KIAA1549: variants seen among roughly 807,000 people sequenced by gnomAD.
The protein encoded by KIAA1549 is UPF0606 protein KIAA1549.
A neutral mutation model predicts 156.4 loss-of-function variants in KIAA1549; 70 were observed. That is an observed-to-expected ratio of 0.45 (90% CI 0.37 to 0.55). The LOEUF is 0.55. Among genes scored for constraint, KIAA1549 ranks in the 20% least tolerant of loss-of-function variants. The pLI is 0.00. For synonymous variants in KIAA1549, 1,103 were observed against 1,066.4 expected (o/e 1.03, Z -0.67); for missense variants, 2,428 against 2,540.9 (o/e 0.96, Z 0.96).
At chr7:138,965,445 C>A (rs1306685485) in intron 1 of KIAA1549, among the ~76,000 whole-genome samples, 4 of 152,208 alleles carry the variant, frequency 2.6e-5, no homozygotes, top group Non-Finnish European at 5.9e-5. Flanking sequence ...CCCACCTCAG[C>A]CTTCCACAGC....
At chr7:138,877,011 A>C (rs1811103936) in intron 12 of KIAA1549, among the ~76,000 whole-genome samples, 1 of 152,204 alleles carries the variant, frequency 6.6e-6, no homozygotes, top group Admixed American at 6.5e-5. Context: ...GACAGTCGTC[A>C]ACAGCCTTGC....
intron 1 of KIAA1549, among the ~76,000 whole-genome samples, chr7:138,979,655 T>C (rs975723707): frequency 4.6e-5 from 7 of 152,200 alleles, no homozygotes; most frequent in Admixed American, 4.6e-4. Flanking sequence ...CCCTTGACAA[T>C]GATCTCTTCT....
chr7:138,936,876 C>A (rs948875403), intron 1 of KIAA1549, among the ~76,000 whole-genome samples: 1 of 152,042 alleles, frequency 6.6e-6, no homozygotes, highest in African/African-American at 2.4e-5. Flanking sequence ...TCTCTCTCTA[C>A]GAGCCATAAC....
rs1441296823 is a variant in KIAA1549 at position 138,981,318 on chromosome 7, C to G, written c.-49G>C. On this transcript the variant is annotated 5_prime_UTR_variant, in exon 1 of 20. Transcript: ENST00000422774. The surrounding 1 kb of genome is among the most constrained non-coding windows in gnomAD (Gnocchi z 4.5). ...CCTCGCGGCTCAGCGGCTCTCGGGT[C>G]CGGGAGGGGCGGCCGCTGCGGCTGC... 2 of 802,594 alleles carry G rather than the reference C, an allele frequency of 2.5e-6. No homozygotes were observed. The highest frequency in any genetic ancestry group is 3.0e-6 in the Non-Finnish European group (2 of 666,184). The allele number at this position is 802,594 out of a possible 1,614,324, so 49.7% of individuals were successfully genotyped here. A position where few individuals can be genotyped will look rare whatever the true frequency, so the allele number is the denominator to read the frequency against.
chr7:138,917,734 G>T lies in KIAA1549; in HGVS notation c.1892C>A (p.Pro631Gln). The T allele has an allele frequency of 6.3e-7, 1 of 1,589,804 alleles. No individual in the cohort carries two copies. The highest frequency in any genetic ancestry group is 8.6e-7 in the Non-Finnish European group (1 of 1,167,924). Residue 631 changes from proline (P) to glutamine (Q), a missense_variant, in exon 2 of 20, where the codon CCG becomes CAG. Around this residue, in one of 5 missense-constraint regions of KIAA1549, gnomAD observed 893 missense variants for 847.9 expected, o/e 1.05. Transcript: ENST00000422774. Reference protein sequence around the residue: ...DFASSFFSTPPLELSGSISSP... With the variant: ...DFASSFFSTPQLELSGSISSP... ...AGAGATGGAGCCGCTGAGTTCCAGC[G>T]GGGGTGTTGAGAAAAAGCTGGATGC...
chr7:138,871,963 A>G (rs1209875799), intron 12 of KIAA1549, among the ~76,000 whole-genome samples: 1 of 152,220 alleles, frequency 6.6e-6, no homozygotes, highest in Non-Finnish European at 1.5e-5. Flanking sequence ...GCAGGGAATT[A>G]GTTCCTACTT....
intron 4 of KIAA1549, among the ~76,000 whole-genome samples, chr7:138,909,902 G>A (rs538962473): frequency 1.3e-5 from 2 of 152,064 alleles, no homozygotes; most frequent in East Asian, 1.9e-4. Flanking sequence ...AGCAGAGATC[G>A]CGCCATTGCA....
chr7:138,887,307 A>T (rs1811421237), intron 10 of KIAA1549, among the ~76,000 whole-genome samples: 1 of 152,206 alleles, frequency 6.6e-6, no homozygotes, highest in Admixed American at 6.5e-5. Context: ...AAATAAATTC[A>T]TCATTAGATG....
At position 138,976,395 on chromosome 7, in the gene KIAA1549, G is replaced by A. The variant is rs368657665; in HGVS notation, c.187+4688C>T. On this transcript the variant is annotated intron_variant, in intron 1 of 19. Coordinates refer to ENST00000422774, the MANE Select transcript of KIAA1549 (RefSeq NM_001164665.2). The stretch of plus-strand genomic sequence containing the variant: ...CGATTTTAAATTAGCTGTTCTAACA[G>A]TGAAAAGACAACTGCAAGATACCAA... Among the ~76,000 whole-genome samples the A allele has an allele frequency of 5.5e-5, 6 of 110,062 alleles. No individual in the cohort carries two copies. In the East Asian group the frequency reaches 1.6e-3, roughly 30 times the overall value. 72.2% of individuals were successfully genotyped at this position (110,062 alleles called of 152,430 possible). A position where few individuals can be genotyped will look rare whatever the true frequency, so the allele number is the denominator to read the frequency against.
chr7:138,898,935 A>G lies in KIAA1549; in HGVS notation c.3847+20T>C, dbSNP rs1811764544. On this transcript the variant is annotated intron_variant, in intron 9 of 19. Transcript: ENST00000422774. The stretch of plus-strand genomic sequence containing the variant: ...TGCCCAGCACAGCACAGCACAGACG[A>G]CAACACCTCAGGCACTTACGCTGGG... 2.5e-6 allele frequency: 4 copies of G among 1,613,208 alleles called. No individual in the cohort carries two copies. The East Asian group carries it at 8.9e-5, about 36-fold the overall frequency.
At position 138,861,294 on chromosome 7, in the gene KIAA1549, C is replaced by G; in HGVS notation, c.5092G>C (p.Val1698Leu). The G allele has an allele frequency of 6.2e-7, 1 of 1,608,138 alleles. No homozygotes were observed. The highest frequency in any genetic ancestry group is 1.1e-5 in the South Asian group (1 of 90,394). ...CTGGCAGGCTGGCTGCTGGGGGCCA[C>G]GAGGGCAAAGGCGTCGTCCAGGAGG... is the stretch of plus-strand genomic sequence containing the variant. ...HSLLDDAFALVAPSSQPASTA... is the reference protein window; with the variant it reads ...HSLLDDAFALLAPSSQPASTA... Residue 1698 changes from valine (V) to leucine (L), a missense_variant, in exon 16 of 20, where the codon GTG (valine) becomes CTG (leucine). Physicochemically the swap from Val to Leu is conservative, Grantham distance 32 (BLOSUM62 1). Transcript: ENST00000422774.
At chr7:138,959,299 G>A (rs1291217480) in intron 1 of KIAA1549, among the ~76,000 whole-genome samples, 3 of 152,024 alleles carry the variant, frequency 2.0e-5, no homozygotes, top group Admixed American at 6.6e-5. Context: ...CACAAATCAC[G>A]ACCATACACA....
At chr7:138,907,560 G>A (rs181549618) in intron 5 of KIAA1549, among the ~76,000 whole-genome samples, 1 of 152,338 alleles carries the variant, frequency 6.6e-6, no homozygotes, top group Admixed American at 6.5e-5. Flanking sequence ...ACCAGGAGGG[G>A]CTCTGTGGCA....
chr7:138,904,070 C>T (rs1811939598), intron 7 of KIAA1549, among the ~76,000 whole-genome samples: 1 of 152,114 alleles, frequency 6.6e-6, no homozygotes, highest in Admixed American at 6.5e-5. Context: ...GCGCAAAGGG[C>T]GCCTACGCAA....
At chr7:138,851,085 T>C (rs1810219165) in intron 17 of KIAA1549, among the ~76,000 whole-genome samples, 1 of 152,196 alleles carries the variant, frequency 6.6e-6, no homozygotes, top group South Asian at 2.1e-4. Context: ...TTTTTTGATG[T>C]GTTGCTCATA....
At chr7:138,953,270 C>G (rs183113143) in intron 1 of KIAA1549, among the ~76,000 whole-genome samples, 10 of 152,262 alleles carry the variant, frequency 6.6e-5, no homozygotes, top group Non-Finnish European at 1.5e-4. Context: ...GCACAAGAAT[C>G]ACTTAAACCC....
At chr7:138,898,380 G>A (rs1037072498) in intron 9 of KIAA1549, among the ~76,000 whole-genome samples, 2 of 151,810 alleles carry the variant, frequency 1.3e-5, no homozygotes, top group African/African-American at 4.8e-5. Context: ...GGCCAGGCAG[G>A]CAGGAGTGAA....
At chr7:138,920,365 G>A (rs1054211820) in intron 1 of KIAA1549, among the ~76,000 whole-genome samples, 1 of 152,150 alleles carries the variant, frequency 6.6e-6, no homozygotes, top group Non-Finnish European at 1.5e-5. Context: ...TGAACTATCT[G>A]ATCACTAGAT....
At chr7:138,859,191 C>G (rs1010023667) in intron 16 of KIAA1549, among the ~76,000 whole-genome samples, 1 of 152,176 alleles carries the variant, frequency 6.6e-6, no homozygotes, top group Admixed American at 6.5e-5. Flanking sequence ...GTGTCTTAAC[C>G]TGGCCAGAGA....
Sources: gnomAD v4.1 joint callset for allele counts (sites outside exome capture counted in the v4.1 genomes callset) on GRCh38, gnomAD v4.1.1 for gene constraint, gnomAD v4.1.1 regional missense constraint, Gnocchi (gnomAD v3.1) non-coding constraint, MANE v1.5 for transcripts, NCBI Gene and HGNC (gene_info 2026-07-23, HGNC 2026-07-21) for gene names.